MFHAS1: variants seen among roughly 807,000 people sequenced by gnomAD.
MFHAS1 encodes the protein multifunctional ROCO family signaling regulator 1.
In MFHAS1, 50 loss-of-function variants were observed where a neutral mutation model predicts 70.4. That is an observed-to-expected ratio of 0.71 (90% CI 0.57 to 0.90). MFHAS1 has a LOEUF of 0.90. Ranked by LOEUF, MFHAS1 falls within the 40% of genes least tolerant of loss-of-function variation. The probability of loss-of-function intolerance (pLI) is 0.00; values close to 1 mark genes in which losing one functional copy is unlikely to be tolerated. For synonymous variants in MFHAS1, 952 were observed against 620.0 expected, an observed-to-expected ratio of 1.54 and a Z score of -7.96; for missense variants, 1,795 against 1,347.6, an observed-to-expected ratio of 1.33 and a Z score of -5.20.
In MFHAS1 at chr8:8,890,645, A is replaced by G. The variant is rs755282945; in HGVS notation, c.2414T>C (p.Leu805Ser). ...GGCCTGGACATGAGGCTTAAGCAGCAACCGAATGACATGAGCTGGCAAGAG... is the reference window on the plus strand; with the variant it reads ...GGCCTGGACATGAGGCTTAAGCAGCGACCGAATGACATGAGCTGGCAAGAG... ...HGLLPAHVIRLLLKPHVQAQQ... is the reference protein window; with the variant it reads ...HGLLPAHVIRSLLKPHVQAQQ... Residue 805 changes from leucine to serine, a missense_variant, in exon 1 of 3, where the codon TTG becomes TCG. Leu to Ser is a moderately radical substitution (Grantham distance 145). Coordinates refer to ENST00000276282, the MANE Select transcript of MFHAS1 (RefSeq NM_004225.3). 4.3e-6 allele frequency: 7 copies of G among 1,613,670 alleles called. 1 individual carries two copies. The South Asian group carries it at 7.7e-5, about 18-fold the overall frequency.
Position 8,892,207 on chromosome 8 carries a change from G to A in MFHAS1, c.852C>T (p.Leu284=), listed in dbSNP as rs1468392219. The change falls in exon 1 of 3, where the codon CTC becomes CTT. Residue 284 remains leucine (L), a synonymous_variant. Transcript: ENST00000276282. The surrounding 1 kb of genome is among the most constrained non-coding windows in gnomAD (Gnocchi z 4.7). ...RLKMLNLSSN[L]FEEFPAALLP... is the part of the protein sequence containing the mutation. ...GCAGCGCGGCAGGGAACTCCTCGAA[G>A]AGGTTGGAGGAGAGGTTGAGCATTT... 2 of 1,610,418 alleles carry A rather than the reference G, an allele frequency of 1.2e-6. No homozygotes were observed. Among genetic ancestry groups the A allele is most frequent in the East Asian group, 4.5e-5 (2 of 44,872 alleles).
At chr8:8,814,452 C>T (rs11784052) in intron 1 of MFHAS1, among the ~76,000 whole-genome samples, 68,113 of 151,960 alleles carry the variant, frequency 0.45, 16,507 homozygotes, top group East Asian at 0.78. Context: ...CATGTTCGCA[C>T]GATGACACAA....
At chr8:8,849,338 C>T (rs570120485) in intron 1 of MFHAS1, among the ~76,000 whole-genome samples, 5 of 152,244 alleles carry the variant, frequency 3.3e-5, no homozygotes, top group Admixed American at 2.0e-4. Context: ...GCCTCAGCCT[C>T]CTGAAGTGCT....
At position 8,892,201 on chromosome 8, in the gene MFHAS1, C is replaced by G; in HGVS notation, c.858G>C (p.Glu286Asp). The change falls in exon 1 of 3, where the codon GAG becomes GAC. Residue 286 changes from glutamate to aspartate, a missense_variant. By Grantham distance (45) the Glu-to-Asp change is conservative. Coordinates refer to ENST00000276282, the MANE Select transcript of MFHAS1 (RefSeq NM_004225.3). This position sits in a 1 kb window ranked among gnomAD's most constrained non-coding sequence, Gnocchi z 4.7. ...GGGGCAGCAGCGCGGCAGGGAACTC[C>G]TCGAAGAGGTTGGAGGAGAGGTTGA... ...KMLNLSSNLF[E>D]EFPAALLPLA... 6.2e-7 allele frequency: 1 copy of G among 1,610,106 alleles called. No individual in the cohort carries two copies. The highest frequency in any genetic ancestry group is 2.2e-5 in the East Asian group (1 of 44,880).
At chr8:8,862,722 C>T (rs1030681797) in intron 1 of MFHAS1, among the ~76,000 whole-genome samples, 2 of 152,088 alleles carry the variant, frequency 1.3e-5, no homozygotes, top group African/African-American at 2.4e-5. Flanking sequence ...AACTACTGGA[C>T]TTCGTGTGAC....
At chr8:8,880,697 TTCC>T (rs1809485516) in intron 1 of MFHAS1, among the ~76,000 whole-genome samples, 1 of 133,132 alleles carries the variant, frequency 7.5e-6, no homozygotes, top group Non-Finnish European at 1.6e-5. Context: ...TTTTTTTTTT[TTCC>T]CCCAGATGGA....
intron 1 of MFHAS1, among the ~76,000 whole-genome samples, chr8:8,885,290 C>T (rs968588070): frequency 3.4e-5 from 5 of 146,146 alleles, no homozygotes; most frequent in African/African-American, 1.3e-4. Flanking sequence ...ATTTGGGTTG[C>T]TTTCTCCTTA....
chr8:8,800,556 A>C (rs1480401077), intron 1 of MFHAS1, among the ~76,000 whole-genome samples: 1 of 152,044 alleles, frequency 6.6e-6, no homozygotes, highest in East Asian at 1.9e-4. Flanking sequence ...CCCACCATGC[A>C]CCACAGGGGC....
Position 8,825,747 on chromosome 8 carries a change from G to T in MFHAS1, c.2999-28256C>A, listed in dbSNP as rs191639264. 1.2e-4 allele frequency among the ~76,000 whole-genome samples: 18 copies of T among 152,252 alleles called. No individual in the cohort carries two copies. In the East Asian group the frequency reaches 3.5e-3, roughly 29 times the overall value. ...CTAACTCCAAATACTACCTTCTGGA[G>T]ATTAAGATTTCCAAATATGAATTTT... On this transcript the variant is annotated intron_variant, in intron 1 of 2. Transcript: ENST00000276282.
intron 1 of MFHAS1, among the ~76,000 whole-genome samples, chr8:8,813,087 G>C (rs892723924): frequency 6.6e-6 from 1 of 152,102 alleles, no homozygotes; most frequent in African/African-American, 2.4e-5. Context: ...GACTTTTCGA[G>C]CAATGGTAGA....
chr8:8,883,866 G>A (rs1809636623), intron 1 of MFHAS1, among the ~76,000 whole-genome samples: 1 of 151,894 alleles, frequency 6.6e-6, no homozygotes, highest in South Asian at 2.1e-4. Context: ...ACGGACAAAG[G>A]GGAATAACCT....
At chr8:8,856,210 C>T in intron 1 of MFHAS1, among the ~76,000 whole-genome samples, 1 of 152,174 alleles carries the variant, frequency 6.6e-6, no homozygotes, top group East Asian at 1.9e-4. Context: ...GCTCCAGCAG[C>T]CAAAGGAGCT....
intron 1 of MFHAS1, among the ~76,000 whole-genome samples, chr8:8,869,683 C>A (rs1808997019): frequency 6.6e-6 from 1 of 152,150 alleles, no homozygotes; most frequent in Admixed American, 6.5e-5. Flanking sequence ...AAATCACTTC[C>A]GCTTTCTGTT....
At chr8:8,847,687 C>T (rs538227942) in intron 1 of MFHAS1, among the ~76,000 whole-genome samples, 1 of 152,304 alleles carries the variant, frequency 6.6e-6, no homozygotes, top group African/African-American at 2.4e-5. Flanking sequence ...AACAATTTTG[C>T]AGTAAATTCC....
At chr8:8,858,534 T>C (rs1808536260) in intron 1 of MFHAS1, among the ~76,000 whole-genome samples, 1 of 152,166 alleles carries the variant, frequency 6.6e-6, no homozygotes, top group Non-Finnish European at 1.5e-5. Context: ...GATTATGCAA[T>C]GCTATAATTA....
At chr8:8,849,291 G>C (rs115397476) in intron 1 of MFHAS1, among the ~76,000 whole-genome samples, 1,671 of 152,062 alleles carry the variant, frequency 0.011, 25 homozygotes, top group African/African-American at 0.038. Flanking sequence ...ATGTTGTTCA[G>C]GCTGCTCTTG....
chr8:8,882,287 G>C (rs953599280), intron 1 of MFHAS1, among the ~76,000 whole-genome samples: 1 of 152,208 alleles, frequency 6.6e-6, no homozygotes, highest in Non-Finnish European at 1.5e-5. Flanking sequence ...CTACGTGGGA[G>C]GCTGGGGCAG....
chr8:8,843,187 T>G (rs1585047047), intron 1 of MFHAS1, among the ~76,000 whole-genome samples: 1 of 150,434 alleles, frequency 6.6e-6, no homozygotes, highest in African/African-American at 2.5e-5. Context: ...GAGAATGGCG[T>G]GAACCCCGGA....
chr8:8,818,850 T>A (rs56765590), intron 1 of MFHAS1, among the ~76,000 whole-genome samples: 4,759 of 152,054 alleles, frequency 0.031, 137 homozygotes, highest in South Asian at 0.15. Flanking sequence ...CCACTTCCAA[T>A]GCAGACCTTG....
Sources: gnomAD v4.1 joint callset for allele counts (sites outside exome capture counted in the v4.1 genomes callset) on GRCh38, gnomAD v4.1.1 for gene constraint, Gnocchi (gnomAD v3.1) non-coding constraint, MANE v1.5 for transcripts, NCBI Gene and HGNC (gene_info 2026-07-23, HGNC 2026-07-21) for gene names.